The following DGKK variants were observed in gnomAD, a reference collection of about 807,000 sequenced individuals.
DGKK encodes the protein diacylglycerol kinase kappa.
In DGKK, 35 loss-of-function variants were observed where a neutral mutation model predicts 92.2. That is an observed-to-expected ratio of 0.38 (90% CI 0.29 to 0.50). The LOEUF (loss-of-function observed/expected upper bound fraction) is 0.50. DGKK is among the 20% of genes least tolerant of loss of function. The pLI, the probability that DGKK is intolerant of heterozygous loss-of-function variation, is 0.92. For missense variants in DGKK, 910 were observed against 992.2 expected (o/e 0.92, Z 1.11); for synonymous variants, 368 against 360.6 (o/e 1.02, Z -0.23).
chrX:50,440,599 C>A (rs1391240936), intron 1 of DGKK, among the ~76,000 whole-genome samples: 1 of 111,647 alleles, frequency 9.0e-6, no homozygotes, highest in Non-Finnish European at 1.9e-5. Flanking sequence ...ATGGCAAATG[C>A]ATCTTCTTAT....
intron 1 of DGKK, among the ~76,000 whole-genome samples, chrX:50,464,039 AAAAT>A (rs1485389098): frequency 9.1e-6 from 1 of 110,373 alleles, no homozygotes; most frequent in Non-Finnish European, 1.9e-5. Flanking sequence ...AAATTAATTA[AAAAT>A]AAATAAATAA....
intron 14 of DGKK, among the ~76,000 whole-genome samples, 161 bp from the exon 15 acceptor site, chrX:50,386,747 A>C (rs1205413019): frequency 9.0e-6 from 1 of 111,514 alleles, no homozygotes. Context: ...AGTACTTAGC[A>C]AAAGAAGTAG....
intron 7 of DGKK, among the ~76,000 whole-genome samples, chrX:50,402,607 C>T (rs1486745870): frequency 1.8e-5 from 2 of 110,841 alleles, no homozygotes; most frequent in African/African-American, 6.6e-5. Flanking sequence ...CCGGTTTAGG[C>T]TTATTGGAAG....
intron 16 of DGKK, 60 bp from the exon 17 acceptor site, chrX:50,384,324 C>T: frequency 3.7e-6 from 3 of 819,076 alleles, no homozygotes; most frequent in South Asian, 2.6e-5. Context: ...TTTCCCCTCA[C>T]TTGTATTTCG....
chrX:50,467,971 A>G (rs1402185904), intron 1 of DGKK, among the ~76,000 whole-genome samples: 1 of 111,939 alleles, frequency 8.9e-6, no homozygotes, highest in Non-Finnish European at 1.9e-5. Context: ...CATTCTACAG[A>G]TAAGTGATTC....
chrX:50,420,589 T>A, intron 3 of DGKK, 82 bp from the exon 4 acceptor site: 1 of 813,852 alleles, frequency 1.2e-6, no homozygotes, highest in Non-Finnish European at 1.8e-6. Flanking sequence ...TCTAAGAAAC[T>A]ACACAGATGT....
intron 1 of DGKK, among the ~76,000 whole-genome samples, chrX:50,450,112 T>C (rs1308604678): frequency 9.0e-6 from 1 of 111,712 alleles, no homozygotes; most frequent in Non-Finnish European, 1.9e-5. Context: ...ACTAGATATT[T>C]TTCATACTTT....
At chrX:50,376,731 G>A (rs1924283197) in intron 23 of DGKK, 27 bp downstream of exon 23, 4 of 1,134,929 alleles carry the variant, frequency 3.5e-6, no homozygotes, top group Non-Finnish European at 3.5e-6. Flanking sequence ...AGGATTCTCA[G>A]CCCTGTATCT....
intron 18 of DGKK, among the ~76,000 whole-genome samples, chrX:50,382,244 T>C (rs972042683): frequency 3.6e-5 from 4 of 112,428 alleles, no homozygotes; most frequent in Non-Finnish European, 7.5e-5. Context: ...TCAGTAACAG[T>C]AACACAGGTA....
intron 15 of DGKK, among the ~76,000 whole-genome samples, chrX:50,385,985 T>A (rs1163716520): frequency 4.5e-5 from 5 of 111,797 alleles, no homozygotes; most frequent in Non-Finnish European, 7.5e-5. Flanking sequence ...AAAATAGTCA[T>A]AGGCTCAGTG....
At chrX:50,380,178 C>T in intron 18 of DGKK, 101 bp from the exon 19 acceptor site, 1 of 685,497 alleles carries the variant, frequency 1.5e-6, no homozygotes, top group Non-Finnish European at 2.3e-6. Context: ...CAAATGCCTT[C>T]TTACAGAGAG....
intron 11 of DGKK, 33 bp from the exon 12 acceptor site, chrX:50,390,442 G>A: frequency 8.7e-7 from 1 of 1,155,240 alleles, no homozygotes; most frequent in South Asian, 1.8e-5. Context: ...ATATTTAAGG[G>A]TCTGTTTCAT....
chrX:50,400,514 G>C (rs1010238135), intron 8 of DGKK, among the ~76,000 whole-genome samples: 1 of 112,027 alleles, frequency 8.9e-6, no homozygotes, highest in Non-Finnish European at 1.9e-5. Context: ...ATAATCAATA[G>C]CTCTGGCAAT....
At chrX:50,451,737 T>C (rs1296996876) in intron 1 of DGKK, among the ~76,000 whole-genome samples, 1 of 111,646 alleles carries the variant, frequency 9.0e-6, no homozygotes, top group Non-Finnish European at 1.9e-5. Flanking sequence ...GAGAGGTACA[T>C]GCTAAGTACT....
chrX:50,426,255 G>A (rs1360012984), intron 1 of DGKK, among the ~76,000 whole-genome samples: 1 of 111,627 alleles, frequency 9.0e-6, no homozygotes, highest in African/African-American at 3.3e-5. Flanking sequence ...AGTTTAAAGT[G>A]TTGCAACTCT....
chrX:50,459,804 A>G (rs190979266), intron 1 of DGKK, among the ~76,000 whole-genome samples: 52 of 111,587 alleles, frequency 4.7e-4, no homozygotes, highest in African/African-American at 1.7e-3. Context: ...GCTCTGCAGG[A>G]GGGAAATTGT....
intron 1 of DGKK, among the ~76,000 whole-genome samples, chrX:50,451,760 T>C (rs1557232468): frequency 9.0e-6 from 1 of 111,557 alleles, no homozygotes; most frequent in Non-Finnish European, 1.9e-5. Context: ...GAAATACTTG[T>C]TGAATTGAAT....
chrX:50,448,998 G>C (rs1861780503), intron 1 of DGKK, among the ~76,000 whole-genome samples: 1 of 111,477 alleles, frequency 9.0e-6, no homozygotes, highest in African/African-American at 3.3e-5. Flanking sequence ...CCCAGAGCAG[G>C]GGCAGGGTAA....
chrX:50,403,717 C>T (rs1362521327), intron 5 of DGKK, 120 bp from the exon 6 acceptor site: 1 of 556,924 alleles, frequency 1.8e-6, no homozygotes, highest in Non-Finnish European at 2.9e-6. Context: ...TTCTAATGCA[C>T]CTCCAAAAAC....
Sources: allele counts gnomAD v4.1 joint callset (sites outside exome capture counted in the v4.1 genomes callset), GRCh38; gene constraint gnomAD v4.1.1; transcripts MANE v1.5; gene names NCBI Gene and HGNC (gene_info 2026-07-23, HGNC 2026-07-21).